Variants in GNPTAB observed in about 807,000 individuals in gnomAD.
GNPTAB encodes N-acetylglucosamine-1-phosphotransferase subunits alpha/beta.
A neutral mutation model predicts 136.6 loss-of-function variants in GNPTAB; 92 were observed. The ratio of observed to expected loss-of-function variants is 0.67; its 90% confidence interval spans 0.57 to 0.80. GNPTAB has a LOEUF of 0.80. Ranked by LOEUF, GNPTAB falls within the 30% of genes least tolerant of loss-of-function variation. The probability of loss-of-function intolerance (pLI) is 0.00; values close to 1 mark genes in which losing one functional copy is unlikely to be tolerated. For missense variants in GNPTAB, 1,343 were observed against 1,501.8 expected (o/e 0.89, Z 1.75); for synonymous variants, 512 against 535.1 (o/e 0.96, Z 0.60).
chr12:101,764,781 A>C lies in GNPTAB; in HGVS notation c.2136T>G (p.Asn712Lys). The C allele has an allele frequency of 6.2e-7, 1 of 1,614,224 alleles. No homozygotes were observed. The highest frequency in any genetic ancestry group is 8.5e-7 in the Non-Finnish European group (1 of 1,180,040). Residue 712 changes from asparagine (N) to lysine (K), a missense_variant, in exon 13 of 21, where the codon AAT becomes AAG. Asn to Lys is a moderately conservative substitution (Grantham distance 94). Coordinates refer to ENST00000299314, the MANE Select transcript of GNPTAB (RefSeq NM_024312.5). Reference protein sequence around the residue: ...LLPKDAQLSLNTLDLQLEHGD... With the variant: ...LLPKDAQLSLKTLDLQLEHGD... ...CATGTTCCAGTTGCAAATCCAAGGT[A>C]TTGAGACTCAACTGGGCGTCTTTTG...
Position 101,764,728 on chromosome 12 carries a change from A to ATT in GNPTAB, c.2188_2189insAA (p.Leu730Ter). 1 of 1,613,494 alleles carries ATT rather than the reference A, an allele frequency of 6.2e-7. No individual in the cohort carries two copies. Among genetic ancestry groups the ATT allele is most frequent in the Non-Finnish European group, 8.5e-7 (1 of 1,179,630 alleles). The change falls in exon 13 of 21, where the codon TTG becomes TAATG. Residue 730 changes from leucine to a stop codon, truncating the protein, a stop_gained and frameshift_variant. Coordinates refer to ENST00000299314, the MANE Select transcript of GNPTAB (RefSeq NM_024312.5). LOFTEE classifies it high-confidence loss of function. The part of the protein sequence containing the change: ...HGDITLKGYN[L>*]SKSALLRSFL... ...TGATCTCAGCAAGGCTGACTTGGAC[A>ATT]AATTGTATCCTTTCAAAGTGATGTC...
chr12:101,782,784 G>C (rs1001454382), intron 5 of GNPTAB, among the ~76,000 whole-genome samples: 2 of 152,134 alleles, frequency 1.3e-5, no homozygotes, highest in Non-Finnish European at 2.9e-5. Context: ...CCTCTGTCTT[G>C]TTCACTCCAT....
intron 4 of GNPTAB, among the ~76,000 whole-genome samples, chr12:101,787,604 A>C (rs996458148): frequency 6.6e-6 from 1 of 152,174 alleles, no homozygotes; most frequent in Non-Finnish European, 1.5e-5. Context: ...TATAATTAAC[A>C]TAAAAGATAG....
intron 2 of GNPTAB, among the ~76,000 whole-genome samples, chr12:101,794,135 G>T (rs573029226): frequency 6.6e-6 from 1 of 152,160 alleles, no homozygotes; most frequent in Non-Finnish European, 1.5e-5. Flanking sequence ...GAGCCACCGT[G>T]CCTGGCCTTC....
At position 101,799,874 on chromosome 12, in the gene GNPTAB, G is replaced by A. The variant is rs548711817; in HGVS notation, c.118-3112C>T. On this transcript the variant is annotated intron_variant, in intron 1 of 20. Coordinates refer to ENST00000299314, the MANE Select transcript of GNPTAB (RefSeq NM_024312.5). ...CTCTAGATTTGGGGTGGGGGTGGGA[G>A]GGAAGAGGAGGGGCATAAAGATCTT... Among the ~76,000 whole-genome samples the A allele has an allele frequency of 7.2e-5, 11 of 152,088 alleles. No individual in the cohort carries two copies. The East Asian group carries it at 1.5e-3, about 21-fold the overall frequency.
intron 2 of GNPTAB, among the ~76,000 whole-genome samples, chr12:101,792,851 G>A (rs1053651245): frequency 6.6e-6 from 1 of 151,970 alleles, no homozygotes; most frequent in Non-Finnish European, 1.5e-5. Flanking sequence ...ACACCTTCGG[G>A]CTCTCTCTCC....
chr12:101,774,518 G>GTATC (rs1953232004), intron 7 of GNPTAB, among the ~76,000 whole-genome samples: 1 of 152,148 alleles, frequency 6.6e-6, no homozygotes, highest in African/African-American at 2.4e-5. Context: ...TTTGTACAGT[G>GTATC]TATCACATAG....
At chr12:101,824,847 C>T (rs1368085888) in intron 1 of GNPTAB, among the ~76,000 whole-genome samples, 1 of 152,110 alleles carries the variant, frequency 6.6e-6, no homozygotes, top group Non-Finnish European at 1.5e-5. Context: ...CAACCTAGTG[C>T]TGTTAACTAA....
chr12:101,798,096 T>C (rs375210068), intron 1 of GNPTAB, among the ~76,000 whole-genome samples: 14 of 152,232 alleles, frequency 9.2e-5, no homozygotes, highest in African/African-American at 9.6e-5. Flanking sequence ...GTATCACTTA[T>C]GTTTTCACCA....
intron 4 of GNPTAB, 124 bp from the exon 5 acceptor site, chr12:101,786,341 C>T: frequency 1.3e-6 from 1 of 782,356 alleles, no homozygotes; most frequent in Non-Finnish European, 2.1e-6. Flanking sequence ...AATATTTTAA[C>T]AAATGAAGAC....
intron 18 of GNPTAB, among the ~76,000 whole-genome samples, chr12:101,755,857 C>A (rs1167974341): frequency 6.6e-6 from 1 of 152,216 alleles, no homozygotes; most frequent in Non-Finnish European, 1.5e-5. Context: ...TACTAAACCC[C>A]TGTCCCTTTA....
At chr12:101,788,726 T>G in intron 3 of GNPTAB, 137 bp from the exon 4 acceptor site, 2 of 665,364 alleles carry the variant, frequency 3.0e-6, no homozygotes, top group Non-Finnish European at 5.5e-6. Context: ...GCCATTTTCA[T>G]GCACTGGGAA....
chr12:101,799,183 T>A (rs1160776220), intron 1 of GNPTAB, among the ~76,000 whole-genome samples: 1 of 152,144 alleles, frequency 6.6e-6, no homozygotes, highest in Non-Finnish European at 1.5e-5. Context: ...AAGAAACACA[T>A]ACCTACAGAC....
chr12:101,765,698 T>C (rs1231840095), intron 12 of GNPTAB: 1 of 341,452 alleles, frequency 2.9e-6, no homozygotes, highest in South Asian at 2.7e-5. Context: ...AATTTCCATC[T>C]TTTTATCCAT....
At chr12:101,771,200 C>A in intron 7 of GNPTAB, 43 bp from the exon 8 acceptor site, 3 of 1,493,790 alleles carry the variant, frequency 2.0e-6, no homozygotes, top group Non-Finnish European at 2.8e-6. Context: ...GACTGAATCT[C>A]AAGGATGAAG....
chr12:101,826,964 T>G (rs1373234028), intron 1 of GNPTAB, among the ~76,000 whole-genome samples: 3 of 138,802 alleles, frequency 2.2e-5, no homozygotes, highest in Admixed American at 7.1e-5. Context: ...TTTTTTTTTT[T>G]TTTTTTTTTT....
chr12:101,822,702 T>G (rs1320624866), intron 1 of GNPTAB, among the ~76,000 whole-genome samples: 1 of 152,322 alleles, frequency 6.6e-6, no homozygotes, highest in Middle Eastern at 3.4e-3. Context: ...TCTGTTATGC[T>G]TTAGGACTGA....
chr12:101,829,688 A>G (rs1038544884), intron 1 of GNPTAB, among the ~76,000 whole-genome samples: 6 of 152,220 alleles, frequency 3.9e-5, no homozygotes, highest in African/African-American at 1.4e-4. Flanking sequence ...TATTAAGTAC[A>G]TATTTCACAC....
At chr12:101,767,682 G>T (rs950684301) in intron 11 of GNPTAB, among the ~76,000 whole-genome samples, 1 of 152,144 alleles carries the variant, frequency 6.6e-6, no homozygotes, top group Non-Finnish European at 1.5e-5. Flanking sequence ...GAGTACAATG[G>T]TGCAATCACA....
Sources: allele counts gnomAD v4.1 joint callset (sites outside exome capture counted in the v4.1 genomes callset), GRCh38; gene constraint gnomAD v4.1.1; transcripts MANE v1.5; gene names NCBI Gene and HGNC (gene_info 2026-07-23, HGNC 2026-07-21).